The following PPARGC1A variants were observed in gnomAD, a reference collection of about 807,000 sequenced individuals.
The protein encoded by PPARGC1A is PPARG coactivator 1 alpha.
In PPARGC1A, 25 loss-of-function variants were observed where a neutral mutation model predicts 88.7. That is an observed-to-expected ratio of 0.28 (90% CI 0.21 to 0.39). The LOEUF (loss-of-function observed/expected upper bound fraction) is 0.39. Ranked by LOEUF, PPARGC1A falls within the 10% of genes least tolerant of loss-of-function variation. PPARGC1A has a pLI of 1.00. For synonymous variants in PPARGC1A, 363 were observed against 355.6 expected (o/e 1.02, Z -0.24); for missense variants, 880 against 968.7 (o/e 0.91, Z 1.22).
chr4:24,050,429 C>A, the PPARGC1A span, among the ~76,000 whole-genome samples: 1 of 151,942 alleles, frequency 6.6e-6, no homozygotes, highest in African/African-American at 2.4e-5. Flanking sequence ...AGCTCCTGAC[C>A]TTGTGATCCG....
intron 10 of PPARGC1A, among the ~76,000 whole-genome samples, chr4:23,807,599 C>G (rs1553875647): frequency 1.3e-5 from 2 of 152,094 alleles, no homozygotes; most frequent in Non-Finnish European, 2.9e-5. Context: ...ATTGATATAT[C>G]AAAAAACTGT....
At chr4:24,171,518 T>C in the PPARGC1A span, among the ~76,000 whole-genome samples, 2 of 152,304 alleles carry the variant, frequency 1.3e-5, no homozygotes, top group East Asian at 1.9e-4. Flanking sequence ...ATGGTCCTGA[T>C]TTTTTTAATT....
chr4:23,890,732 G>A (rs1429046145), upstream of PPARGC1A, among the ~76,000 whole-genome samples: 1 of 150,400 alleles, frequency 6.6e-6, no homozygotes, highest in Non-Finnish European at 1.5e-5. Context: ...AGCTCCCGAA[G>A]AGTTGCTGCA....
chr4:24,433,965 C>A, the PPARGC1A span, among the ~76,000 whole-genome samples: 1 of 152,124 alleles, frequency 6.6e-6, no homozygotes, highest in Non-Finnish European at 1.5e-5. Context: ...CTTTTCCCAC[C>A]CACGGAAGAC....
the PPARGC1A span, among the ~76,000 whole-genome samples, chr4:24,306,178 A>T: frequency 6.6e-6 from 1 of 152,230 alleles, no homozygotes; most frequent in East Asian, 1.9e-4. Context: ...AGACTTACCC[A>T]GAGTCATCCA....
At chr4:24,177,093 T>C in the PPARGC1A span, among the ~76,000 whole-genome samples, 1 of 152,104 alleles carries the variant, frequency 6.6e-6, no homozygotes, top group East Asian at 1.9e-4. Context: ...GAAATACCAT[T>C]TGACCCAGCA....
the PPARGC1A span, among the ~76,000 whole-genome samples, chr4:23,948,956 A>T: frequency 1.3e-5 from 2 of 152,094 alleles, no homozygotes; most frequent in African/African-American, 4.8e-5. Context: ...TTCCCTTAGC[A>T]CCTATGAGAA....
chr4:24,303,665 G>T, the PPARGC1A span, among the ~76,000 whole-genome samples: 4 of 145,536 alleles, frequency 2.7e-5, no homozygotes, highest in Non-Finnish European at 4.5e-5. Flanking sequence ...AACCATTTTT[G>T]ATTCCAACTT....
At chr4:24,325,943 C>T in the PPARGC1A span, among the ~76,000 whole-genome samples, 6 of 152,158 alleles carry the variant, frequency 3.9e-5, no homozygotes, top group African/African-American at 1.4e-4. Context: ...TTTCAGTTAT[C>T]TCCACCTGCC....
At chr4:24,192,405 G>C in the PPARGC1A span, among the ~76,000 whole-genome samples, 2 of 152,198 alleles carry the variant, frequency 1.3e-5, no homozygotes, top group Admixed American at 1.3e-4. Flanking sequence ...CCAGTGCTAA[G>C]ACTTATTAGA....
At chr4:23,870,659 T>A (rs545951894) in intron 2 of PPARGC1A, among the ~76,000 whole-genome samples, 1 of 152,194 alleles carries the variant, frequency 6.6e-6, no homozygotes, top group South Asian at 2.1e-4. Context: ...TGAAGAAGTG[T>A]ATCTGGGAAT....
intron 1 of PPARGC1A, among the ~76,000 whole-genome samples, chr4:23,895,671 A>G (rs1175906204): frequency 6.6e-6 from 1 of 152,088 alleles, no homozygotes; most frequent in African/African-American, 2.4e-5. Flanking sequence ...GCTCAATCGA[A>G]AAATAGATGT....
At chr4:24,200,560 G>C in the PPARGC1A span, among the ~76,000 whole-genome samples, 2 of 146,398 alleles carry the variant, frequency 1.4e-5, no homozygotes, top group Non-Finnish European at 3.0e-5. Context: ...GCTTTCTATA[G>C]AGTAGCAGTT....
intron 10 of PPARGC1A, among the ~76,000 whole-genome samples, chr4:23,803,076 A>G (rs1719102650): frequency 6.6e-6 from 1 of 152,200 alleles, no homozygotes; most frequent in Non-Finnish European, 1.5e-5. Flanking sequence ...TACATTTCTC[A>G]TTAACTCAGA....
the PPARGC1A span, among the ~76,000 whole-genome samples, chr4:24,271,969 T>A: frequency 2.0e-5 from 3 of 152,182 alleles, no homozygotes; most frequent in African/African-American, 4.8e-5. Context: ...GCTTTTAAGA[T>A]CCTGGTCTTC....
the PPARGC1A span, among the ~76,000 whole-genome samples, chr4:24,427,307 G>T: frequency 2.0e-5 from 3 of 148,252 alleles, no homozygotes; most frequent in Non-Finnish European, 4.4e-5. Flanking sequence ...TTGAGACAGG[G>T]TCTGGCTCTG....
At chr4:24,396,874 G>C in the PPARGC1A span, among the ~76,000 whole-genome samples, 1 of 152,022 alleles carries the variant, frequency 6.6e-6, no homozygotes, top group African/African-American at 2.4e-5. Context: ...ACAAATCCTG[G>C]TCCCTTTTGG....
chr4:24,130,079 C>T, the PPARGC1A span, among the ~76,000 whole-genome samples: 1 of 152,096 alleles, frequency 6.6e-6, no homozygotes, highest in Non-Finnish European at 1.5e-5. Flanking sequence ...AACACACCAA[C>T]ATGGCAAATG....
the PPARGC1A span, among the ~76,000 whole-genome samples, chr4:24,232,167 G>A: frequency 5.3e-5 from 8 of 151,062 alleles, no homozygotes; most frequent in Admixed American, 4.0e-4. Context: ...ATCCGACTCC[G>A]TTCTTTACTT....
Sources: gnomAD v4.1 joint callset for allele counts (sites outside exome capture counted in the v4.1 genomes callset) on GRCh38, gnomAD v4.1.1 for gene constraint, MANE v1.5 for transcripts, NCBI Gene and HGNC (gene_info 2026-07-23, HGNC 2026-07-21) for gene names.